The following SPEM1 variants were observed in gnomAD, a reference collection of about 807,000 sequenced individuals.
The protein encoded by SPEM1 is spermatid maturation 1.
Under a neutral mutation model 9.0 loss-of-function variants are expected in SPEM1, and 10 were observed. That is an observed-to-expected ratio of 1.11 (90% CI 0.68 to 1.88). SPEM1 has a LOEUF of 1.88. SPEM1 is among the 40% of genes most tolerant of loss of function. The pLI, the probability that SPEM1 is intolerant of heterozygous loss-of-function variation, is 0.00. For missense variants in SPEM1, 401 were observed against 408.6 expected, an observed-to-expected ratio of 0.98 and a Z score of 0.16; for synonymous variants, 175 against 157.8, an observed-to-expected ratio of 1.11 and a Z score of -0.82.
Position 7,421,142 on chromosome 17 carries a change from G to T in SPEM1, c.467G>T (p.Gly156Val). 3 of 1,614,056 alleles carry T rather than the reference G, an allele frequency of 1.9e-6. No homozygotes were observed. Among genetic ancestry groups the T allele is most frequent in the Non-Finnish European group, 2.5e-6 (3 of 1,179,960 alleles). Residue 156 changes from glycine to valine, a missense_variant, in exon 3 of 3, where the codon GGC becomes GTC. By Grantham distance (109) the Gly-to-Val change is moderately radical (BLOSUM62 -3). Transcript: ENST00000323675. The surrounding 1 kb of genome is among the most constrained non-coding windows in gnomAD (Gnocchi z 4.8). Reference protein sequence around the residue: ...YHWDVPEDWEGFQHTQGTWVP... With the variant: ...YHWDVPEDWEVFQHTQGTWVP... ...TGGGATGTCCCTGAGGACTGGGAAG[G>T]CTTCCAACACACTCAGGGGACCTGG...
In SPEM1 at chr17:7,421,372, G is replaced by T; in HGVS notation, c.697G>T (p.Ala233Ser). The T allele has an allele frequency of 6.2e-7, 1 of 1,612,268 alleles. No homozygotes were observed. The highest frequency in any genetic ancestry group is 8.5e-7 in the Non-Finnish European group (1 of 1,179,144). The change falls in exon 3 of 3, where the codon GCT becomes TCT. Residue 233 changes from alanine (A) to serine (S), a missense_variant. Physicochemically the swap from Ala to Ser is moderately conservative, Grantham distance 99. Transcript: ENST00000323675. The surrounding 1 kb of genome is among the most constrained non-coding windows in gnomAD (Gnocchi z 4.8). ...GGGGGCGGTGCCAGAGGCAGAGGCG[G>T]CTCAGTACCAGCCTGTCCCAGCTCC... ...GEGAVPEAEA[A>S]QYQPVPAPTL...
chr17:7,421,506 G>A lies in SPEM1; in HGVS notation c.831G>A (p.Glu277=). The A allele has an allele frequency of 6.2e-7, 1 of 1,608,614 alleles. No individual in the cohort carries two copies. Among genetic ancestry groups the A allele is most frequent in the African/African-American group, 1.3e-5 (1 of 75,020 alleles). ...GGCGGCTTCGGGAACTGACCCGGGAGGTGGAGGCCCTGTCCGGCTGCTACC... is the reference window on the plus strand; with the variant it reads ...GGCGGCTTCGGGAACTGACCCGGGAAGTGGAGGCCCTGTCCGGCTGCTACC... ...MRRRLRELTR[E]VEALSGCYPL... The change falls in exon 3 of 3, where the codon GAG becomes GAA. Residue 277 remains glutamate, a synonymous_variant. Coordinates refer to ENST00000323675, the MANE Select transcript of SPEM1 (RefSeq NM_199339.3). The surrounding 1 kb of genome is among the most constrained non-coding windows in gnomAD (Gnocchi z 4.8).
Position 7,420,423 on chromosome 17 carries a change from G to A in SPEM1, c.39G>A (p.Ser13=), listed in dbSNP as rs751501879. 5.7e-6 allele frequency: 9 copies of A among 1,582,516 alleles called. No individual in the cohort carries two copies. The highest frequency in any genetic ancestry group is 3.8e-5 in the Admixed American group (2 of 53,236). ...AGCGGCCGAGGCCCGAGTGGGCCTC[G>A]TATCACAACTGCAACAGCAACAGCT... The part of the protein sequence containing the change: ...MVERPRPEWA[S]YHNCNSNSCQ... Residue 13 remains serine (S), a synonymous_variant, in exon 1 of 3, where the codon TCG becomes TCA. Coordinates refer to ENST00000323675, the MANE Select transcript of SPEM1 (RefSeq NM_199339.3).
rs769781042 is a variant in SPEM1 at position 7,420,964 on chromosome 17, A to G, written c.289A>G (p.Met97Val). 10 of 1,614,064 alleles carry G rather than the reference A, an allele frequency of 6.2e-6. No homozygotes were observed. Among genetic ancestry groups the G allele is most frequent in the South Asian group, 2.2e-5 (2 of 91,086 alleles). Residue 97 changes from methionine to valine, a missense_variant, in exon 3 of 3, where the codon ATG becomes GTG. Physicochemically the swap from Met to Val is conservative, Grantham distance 21 (BLOSUM62 1). Coordinates refer to ENST00000323675, the MANE Select transcript of SPEM1 (RefSeq NM_199339.3). ...TCCTGCAGTCCATCTTCGGTGCACC[A>G]TGGACCCTGTGATGATGACTGTGTC... is the stretch of plus-strand genomic sequence containing the variant. Reference protein sequence around the residue: ...SSPAVHLRCTMDPVMMTVSPP... With the variant: ...SSPAVHLRCTVDPVMMTVSPP...
chr17:7,421,571 A>G lies in SPEM1; in HGVS notation c.896A>G (p.Lys299Arg). 2.6e-6 allele frequency: 4 copies of G among 1,532,302 alleles called. No individual in the cohort carries two copies. The highest frequency in any genetic ancestry group is 3.5e-6 in the Non-Finnish European group (4 of 1,145,022). 94.9% of individuals were successfully genotyped at this position (1,532,302 alleles called of 1,614,324 possible). The change falls in exon 3 of 3, where the codon AAG becomes AGG. Residue 299 changes from lysine (K) to arginine (R), a missense_variant. Lys to Arg is a conservative substitution (Grantham distance 26). Coordinates refer to ENST00000323675, the MANE Select transcript of SPEM1 (RefSeq NM_199339.3). This position sits in a 1 kb window ranked among gnomAD's most constrained non-coding sequence, Gnocchi z 4.8. ...SGSSTAEETS[K>R]NWVYRSLTGR ...TCCAGCACTGCCGAGGAGACAAGCA[A>G]GAATTGGGTGTACCGTTCCCTAACT...
At position 7,421,114 on chromosome 17, in the gene SPEM1, C is replaced by G; in HGVS notation, c.439C>G (p.His147Asp). Reference protein sequence around the residue: ...PHQYPAICSYHWDVPEDWEGF... With the variant: ...PHQYPAICSYDWDVPEDWEGF... Reference sequence around the variant, plus strand: ...TCAGTACCCAGCCATCTGCTCCTACCACTGGGATGTCCCTGAGGACTGGGA... The same window carrying G: ...TCAGTACCCAGCCATCTGCTCCTACGACTGGGATGTCCCTGAGGACTGGGA... Residue 147 changes from histidine (H) to aspartate (D), a missense_variant, in exon 3 of 3, where the codon CAC becomes GAC. Coordinates refer to ENST00000323675, the MANE Select transcript of SPEM1 (RefSeq NM_199339.3). The surrounding 1 kb of genome is among the most constrained non-coding windows in gnomAD (Gnocchi z 4.8). 1 of 1,614,130 alleles carries G rather than the reference C, an allele frequency of 6.2e-7. No individual in the cohort carries two copies. The highest frequency in any genetic ancestry group is 1.1e-5 in the South Asian group (1 of 91,084).
chr17:7,420,710 C>T (rs201647377), intron 2 of SPEM1, 23 bp downstream of exon 2: 4 of 1,613,090 alleles, frequency 2.5e-6, no homozygotes, highest in African/African-American at 2.7e-5. Context: ...GGGGCTGGGA[C>T]ATAGGAGGGG....
rs1055981586 is a variant in SPEM1 at position 7,420,354 on chromosome 17, G to A, written c.-31G>A. Reference sequence around the variant, plus strand: ...ACACTGTCGGCACGGTGGGCTGGGGGCGTAAGGGCCCCGGTGGTCCTAGGG... The same window carrying A: ...ACACTGTCGGCACGGTGGGCTGGGGACGTAAGGGCCCCGGTGGTCCTAGGG... On this transcript the variant is annotated 5_prime_UTR_variant, in exon 1 of 3. Coordinates refer to ENST00000323675, the MANE Select transcript of SPEM1 (RefSeq NM_199339.3). 2.0e-6 allele frequency: 3 copies of A among 1,474,884 alleles called. No homozygotes were observed. Among genetic ancestry groups the A allele is most frequent in the Non-Finnish European group, 2.7e-6 (3 of 1,112,958 alleles). The allele number at this position is 1,474,884 out of a possible 1,614,324, so 91.4% of individuals were successfully genotyped here.
chr17:7,420,884 C>T lies in SPEM1; in HGVS notation c.209C>T (p.Ala70Val). ...CTCACCTCTCCCCCATCCACAGAAG[C>T]TCCCAAGTCATCATTACTCAGAAAG... ...VFHDTICEKEAPKSSLLRKQT... is the reference protein window; with the variant it reads ...VFHDTICEKEVPKSSLLRKQT... Residue 70 changes from alanine to valine, a missense_variant, in exon 3 of 3, where the codon GCT (alanine) becomes GTT (valine). Coordinates refer to ENST00000323675, the MANE Select transcript of SPEM1 (RefSeq NM_199339.3). 1 of 1,613,478 alleles carries T rather than the reference C, an allele frequency of 6.2e-7. No homozygotes were observed. The highest frequency in any genetic ancestry group is 8.5e-7 in the Non-Finnish European group (1 of 1,179,776).
In SPEM1 at chr17:7,421,311, C is replaced by A. The variant is rs771159304; in HGVS notation, c.636C>A (p.Pro212=). The A allele has an allele frequency of 5.6e-6, 9 of 1,614,122 alleles. No homozygotes were observed. In the Admixed American group the frequency reaches 1.5e-4, roughly 27 times the overall value. The change falls in exon 3 of 3, where the codon CCC becomes CCA. Residue 212 remains proline (P), a synonymous_variant. Transcript: ENST00000323675. This position sits in a 1 kb window ranked among gnomAD's most constrained non-coding sequence, Gnocchi z 4.8. ...AYVYPVNPPP[P]SPEAPSHKNG... is the part of the protein sequence containing the mutation. Reference sequence around the variant, plus strand: ...TGTATCCTGTGAACCCCCCACCTCCCAGCCCTGAGGCTCCTAGCCACAAGA... The same window carrying A: ...TGTATCCTGTGAACCCCCCACCTCCAAGCCCTGAGGCTCCTAGCCACAAGA...
rs1239059919 is a variant in SPEM1 at position 7,421,474 on chromosome 17, A to G, written c.799A>G (p.Met267Val). ...CCGAATAGTGTATGATGCCCGGGAC[A>G]TGAGACGGCGGCTTCGGGAACTGAC... ...SGRIVYDARD[M>V]RRRLRELTRE... is the part of the protein sequence containing the mutation. The change falls in exon 3 of 3, where the codon ATG (methionine) becomes GTG (valine). Residue 267 changes from methionine to valine, a missense_variant. Physicochemically the swap from Met to Val is conservative, Grantham distance 21. Coordinates refer to ENST00000323675, the MANE Select transcript of SPEM1 (RefSeq NM_199339.3). This position sits in a 1 kb window ranked among gnomAD's most constrained non-coding sequence, Gnocchi z 4.8. The G allele has an allele frequency of 6.2e-7, 1 of 1,612,086 alleles. No individual in the cohort carries two copies. The highest frequency in any genetic ancestry group is 8.5e-7 in the Non-Finnish European group (1 of 1,179,400).
chr17:7,420,442 A>G lies in SPEM1; in HGVS notation c.58A>G (p.Asn20Asp), dbSNP rs1170079258. Reference protein sequence around the residue: ...EWASYHNCNSNSCQDLGNSVL... With the variant: ...EWASYHNCNSDSCQDLGNSVL... ...GGCCTCGTATCACAACTGCAACAGC[A>G]ACAGCTGCCAGGACCTGGGCAACTC... is the stretch of plus-strand genomic sequence containing the variant. Residue 20 changes from asparagine (N) to aspartate (D), a missense_variant, in exon 1 of 3, where the codon AAC becomes GAC. Physicochemically the swap from Asn to Asp is conservative, Grantham distance 23. Coordinates refer to ENST00000323675, the MANE Select transcript of SPEM1 (RefSeq NM_199339.3). The G allele has an allele frequency of 6.3e-7, 1 of 1,595,484 alleles. No homozygotes were observed. The highest frequency in any genetic ancestry group is 1.8e-5 in the Admixed American group (1 of 55,626).
In SPEM1 at chr17:7,420,654, T is replaced by C; in HGVS notation, c.172T>C (p.Tyr58His). Reference protein sequence around the residue: ...LLWSRFRGVLYQVFHDTICEK... With the variant: ...LLWSRFRGVLHQVFHDTICEK... ...CTGGAGCCGATTCCGTGGTGTCTTA[T>C]ACCAAGTGTTCCATGATACCATTTG... The change falls in exon 2 of 3, where the codon TAC (tyrosine) becomes CAC (histidine). Residue 58 changes from tyrosine (Y) to histidine (H), a missense_variant. Physicochemically the swap from Tyr to His is moderately conservative, Grantham distance 83 (BLOSUM62 2). Transcript: ENST00000323675. The C allele has an allele frequency of 6.2e-7, 1 of 1,614,112 alleles. No individual in the cohort carries two copies. Among genetic ancestry groups the C allele is most frequent in the South Asian group, 1.1e-5 (1 of 91,084 alleles).
Position 7,420,485 on chromosome 17 carries a change from G to C in SPEM1, c.101G>C (p.Gly34Ala). The C allele has an allele frequency of 6.2e-7, 1 of 1,611,674 alleles. No individual in the cohort carries two copies. The change falls in exon 1 of 3, where the codon GGC (glycine) becomes GCC (alanine). Residue 34 changes from glycine (G) to alanine (A), a missense_variant. Transcript: ENST00000323675. ...GGCAACTCTGTCCTGTTGCTGCTGG[G>C]CCTCATCATCTGCATTAACATTAGC... is the stretch of plus-strand genomic sequence containing the variant. ...DLGNSVLLLL[G>A]LIICINISIN...
chr17:7,421,464 T>C lies in SPEM1; in HGVS notation c.789T>C (p.Asp263=), dbSNP rs1268575987. The C allele has an allele frequency of 1.2e-6, 2 of 1,612,586 alleles. No individual in the cohort carries two copies. The highest frequency in any genetic ancestry group is 1.7e-6 in the Non-Finnish European group (2 of 1,179,506). ...GCTCCTCAGGCCGAATAGTGTATGATGCCCGGGACATGAGACGGCGGCTTC... is the reference window on the plus strand; with the variant it reads ...GCTCCTCAGGCCGAATAGTGTATGACGCCCGGGACATGAGACGGCGGCTTC... ...RHRSSGRIVY[D]ARDMRRRLRE... is the part of the protein sequence containing the mutation. Residue 263 remains aspartate, a synonymous_variant, in exon 3 of 3, where the codon GAT becomes GAC. Coordinates refer to ENST00000323675, the MANE Select transcript of SPEM1 (RefSeq NM_199339.3). This position sits in a 1 kb window ranked among gnomAD's most constrained non-coding sequence, Gnocchi z 4.8.
chr17:7,420,756 G>T, intron 2 of SPEM1, 69 bp downstream of exon 2: 2 of 1,606,156 alleles, frequency 1.2e-6, no homozygotes, highest in Non-Finnish European at 1.7e-6. Flanking sequence ...CCCTAAATTA[G>T]CCCCTTCCCT....
intron 2 of SPEM1, 85 bp from the exon 3 acceptor site, chr17:7,420,796 T>A: frequency 6.2e-7 from 1 of 1,601,302 alleles, no homozygotes; most frequent in Non-Finnish European, 8.5e-7. Context: ...ACAACATAGC[T>A]GTGTGGCTGC....
rs1907401028 is a variant in SPEM1 at position 7,421,412 on chromosome 17, C to A, written c.737C>A (p.Ala246Glu). The A allele has an allele frequency of 6.2e-7, 1 of 1,607,278 alleles. No homozygotes were observed. ...GTCCCAGCTCCCACCCTGGGCCCAG[C>A]AGTCATCCCTGAATTTTCCCGGCAC... ...QPVPAPTLGP[A>E]VIPEFSRHRS... is the part of the protein sequence containing the mutation. Residue 246 changes from alanine (A) to glutamate (E), a missense_variant, in exon 3 of 3, where the codon GCA (alanine) becomes GAA (glutamate). By Grantham distance (107) the Ala-to-Glu change is moderately radical (BLOSUM62 -1). Coordinates refer to ENST00000323675, the MANE Select transcript of SPEM1 (RefSeq NM_199339.3). This position sits in a 1 kb window ranked among gnomAD's most constrained non-coding sequence, Gnocchi z 4.8.
In SPEM1 at chr17:7,421,589, CCCTA is replaced by C; in HGVS notation, c.915_918del (p.Thr307GlyfsTer?). 6.6e-7 allele frequency: 1 copy of C among 1,511,466 alleles called. No homozygotes were observed. The highest frequency in any genetic ancestry group is 8.8e-7 in the Non-Finnish European group (1 of 1,135,084). The allele number at this position is 1,511,466 out of a possible 1,614,324, so 93.6% of individuals were successfully genotyped here. A position where few individuals can be genotyped will look rare whatever the true frequency, so the allele number is the denominator to read the frequency against. On this transcript the variant is annotated frameshift_variant, in exon 3 of 3. Transcript: ENST00000323675. LOFTEE classifies it high-confidence loss of function. The surrounding 1 kb of genome is among the most constrained non-coding windows in gnomAD (Gnocchi z 4.8). The stretch of plus-strand genomic sequence containing the variant: ...ACAAGCAAGAATTGGGTGTACCGTT[CCCTA>C]ACTGGGAGGTGACTGGAAAAAAATA...
Sources: allele counts gnomAD v4.1 joint callset, GRCh38; gene constraint gnomAD v4.1.1; non-coding constraint Gnocchi (gnomAD v3.1); transcripts MANE v1.5; gene names NCBI Gene and HGNC (gene_info 2026-07-23, HGNC 2026-07-21).